The following L3HYPDH variants were observed in gnomAD, a reference collection of about 807,000 sequenced individuals.
L3HYPDH encodes trans-L-3-hydroxyproline dehydratase, also known as trans-3-hydroxy-L-proline dehydratase.
A neutral mutation model predicts 26.5 loss-of-function variants in L3HYPDH; 32 were observed. The ratio of observed to expected loss-of-function variants is 1.21; its 90% CI spans 0.91 to 1.62. L3HYPDH has a LOEUF of 1.62. Ranked by LOEUF, L3HYPDH falls within the 40% of genes most tolerant of loss-of-function variation. L3HYPDH has a pLI of 0.00. For synonymous variants in L3HYPDH, 215 were observed against 196.6 expected, an observed-to-expected ratio of 1.09 and a Z score of -0.78; for missense variants, 554 against 476.4, an observed-to-expected ratio of 1.16 and a Z score of -1.52.
the L3HYPDH span, chr14:59,504,659 GATT>G: frequency 6.6e-6 from 1 of 152,654 alleles, no homozygotes; most frequent in Non-Finnish European, 1.5e-5. Context: ...GATTTGTTTG[GATT>G]ATTGTTCCTG....
upstream of L3HYPDH, chr14:59,486,792 T>C (rs1338102355): frequency 6.4e-7 from 1 of 1,563,980 alleles, no homozygotes; most frequent in East Asian, 2.3e-5. Flanking sequence ...CTGAAATATA[T>C]GGAGAATGTG....
At chr14:59,487,484 T>G, upstream of L3HYPDH, 1 of 462,380 alleles carries the variant, frequency 2.2e-6, no homozygotes, top group Non-Finnish European at 3.8e-6. Flanking sequence ...TCTAAGAGCA[T>G]TGTACAAATA....
At chr14:59,501,383 G>A in the L3HYPDH span, 127 of 630,070 alleles carry the variant, frequency 2.0e-4, no homozygotes, top group African/African-American at 2.3e-3. Context: ...ATCTTTGGCT[G>A]ATTGATGCCA....
the L3HYPDH span, among the ~76,000 whole-genome samples, chr14:59,491,846 A>G: frequency 2.0e-5 from 3 of 152,228 alleles, no homozygotes; most frequent in Admixed American, 2.0e-4. Context: ...TGGATACTGA[A>G]TCTTGGGTAG....
rs112549951 is a variant in L3HYPDH at position 59,483,742 on chromosome 14, C to T, written c.508+67G>A. The T allele has an allele frequency of 6.5e-6, 10 of 1,550,156 alleles. No homozygotes were observed. In the African/African-American group the frequency reaches 9.5e-5, roughly 15 times the overall value. ...TTGCCAGAGTTCCAGCCCAGAAAAA[C>T]CGTTAATGTAGTTAGTCGCGTCCCG... is the stretch of plus-strand genomic sequence containing the variant. On this transcript the variant is annotated intron_variant, in intron 1 of 4. Transcript: ENST00000247194.
At chr14:59,504,314 C>T in the L3HYPDH span, 1 of 481,324 alleles carries the variant, frequency 2.1e-6, no homozygotes, top group Non-Finnish European at 3.7e-6. Context: ...CGCTAGGAAG[C>T]CCTTGCTTCT....
the L3HYPDH span, among the ~76,000 whole-genome samples, chr14:59,492,481 G>A: frequency 3.0e-4 from 46 of 152,162 alleles, no homozygotes; most frequent in Non-Finnish European, 6.0e-4. Flanking sequence ...CTGGGGTCCT[G>A]CAAGTGACAT....
At chr14:59,487,611 T>TG (rs944923781), upstream of L3HYPDH, 771 of 1,225,814 alleles carry the variant, frequency 6.3e-4, 2 homozygotes, top group Middle Eastern at 1.9e-4. Flanking sequence ...TAGAATGATT[T>TG]GGGGGGGTGT....
chr14:59,486,674 A>T (rs1161463445), upstream of L3HYPDH: 26 of 1,368,668 alleles, frequency 1.9e-5, no homozygotes, highest in Middle Eastern at 1.8e-4. Flanking sequence ...TTTTATAATC[A>T]CAAAAGATGT....
chr14:59,480,698 A>C (rs1166185985), intron 1 of L3HYPDH, among the ~76,000 whole-genome samples: 1 of 152,170 alleles, frequency 6.6e-6, no homozygotes, highest in Non-Finnish European at 1.5e-5. Context: ...ACTAGTCCAC[A>C]GAAGCCCTTT....
At chr14:59,496,440 T>G in the L3HYPDH span, among the ~76,000 whole-genome samples, 1 of 151,986 alleles carries the variant, frequency 6.6e-6, no homozygotes, top group Non-Finnish European at 1.5e-5. Context: ...AATATTATAT[T>G]TAAATAAGAT....
At chr14:59,494,257 C>A in the L3HYPDH span, among the ~76,000 whole-genome samples, 3 of 151,770 alleles carry the variant, frequency 2.0e-5, no homozygotes, top group African/African-American at 7.3e-5. Context: ...AAAGGCTTCA[C>A]AAAGAAAGTG....
the L3HYPDH span, chr14:59,501,026 C>G: frequency 3.6e-6 from 2 of 561,842 alleles, no homozygotes; most frequent in African/African-American, 1.9e-5. Flanking sequence ...TTGCCCTTTC[C>G]AGAAAAAGCT....
chr14:59,476,097 C>T lies in L3HYPDH; in HGVS notation c.796G>A (p.Glu266Lys), dbSNP rs1262065871. 4 of 1,613,820 alleles carry T rather than the reference C, an allele frequency of 2.5e-6. No homozygotes were observed. Among genetic ancestry groups the T allele is most frequent in the Non-Finnish European group, 1.7e-6 (2 of 1,179,900 alleles). Residue 266 changes from glutamate (E) to lysine (K), a missense_variant, in exon 3 of 5, where the codon GAA becomes AAA. Coordinates refer to ENST00000247194, the MANE Select transcript of L3HYPDH (RefSeq NM_144581.2). ...PTTNICVFAD[E>K]QVDRSPTGSG... ...AAACATTACAGTTTTAATACCTGTT[C>T]ATCTGCAAAAACACAAATGTTGGTG... is the stretch of plus-strand genomic sequence containing the variant.
chr14:59,484,619 A>C, upstream of L3HYPDH: 1 of 1,577,178 alleles, frequency 6.3e-7, no homozygotes, highest in Non-Finnish European at 8.6e-7. Flanking sequence ...GATCCCGGGA[A>C]GCGTTTCTGG....
chr14:59,486,870 TACA>T, upstream of L3HYPDH: 1 of 1,115,972 alleles, frequency 9.0e-7, no homozygotes, highest in East Asian at 2.6e-5. Context: ...TATTTTCACA[TACA>T]ACATTTTTTG....
chr14:59,491,729 C>T, the L3HYPDH span, among the ~76,000 whole-genome samples: 1 of 152,236 alleles, frequency 6.6e-6, no homozygotes, highest in African/African-American at 2.4e-5. Flanking sequence ...GAACTCTTCT[C>T]TTTCAAAACA....
At chr14:59,505,168 T>C in the L3HYPDH span, 4 of 712,828 alleles carry the variant, frequency 5.6e-6, no homozygotes, top group Middle Eastern at 4.9e-4. Flanking sequence ...AGCTGCAAAA[T>C]ATGAAAGTAA....
At chr14:59,479,638 G>A (rs1314368275) in intron 1 of L3HYPDH, among the ~76,000 whole-genome samples, 1 of 152,058 alleles carries the variant, frequency 6.6e-6, no homozygotes, top group East Asian at 1.9e-4. Context: ...TCTTTTCTAG[G>A]AAACACCCCT....
Sources: gnomAD v4.1 joint callset for allele counts (sites outside exome capture counted in the v4.1 genomes callset) on GRCh38, gnomAD v4.1.1 for gene constraint, MANE v1.5 for transcripts, NCBI Gene and HGNC (gene_info 2026-07-23, HGNC 2026-07-21) for gene names.